The following PLPPR4 variants were observed in gnomAD, a reference collection of about 807,000 sequenced individuals.
PLPPR4 encodes the protein phospholipid phosphatase related 4, also known as phospholipid phosphatase-related protein type 4.
Under a neutral mutation model 56.6 loss-of-function variants are expected in PLPPR4, and 24 were observed. The ratio of observed to expected loss-of-function variants is 0.42; its 90% CI spans 0.31 to 0.60. The LOEUF is 0.60. PLPPR4 is among the 20% of genes least tolerant of loss of function. The probability of loss-of-function intolerance (pLI) is 0.13; values close to 1 mark genes in which losing one functional copy is unlikely to be tolerated. For synonymous variants in PLPPR4, 326 were observed against 328.1 expected, an observed-to-expected ratio of 0.99 and a Z score of 0.07; for missense variants, 654 against 885.8, an observed-to-expected ratio of 0.74 and a Z score of 3.32.
In PLPPR4 at chr1:99,277,653, T is replaced by A. The variant is rs1659224721; in HGVS notation, c.79-10312T>A. Among the ~76,000 whole-genome samples the A allele has an allele frequency of 2.6e-5, 4 of 152,170 alleles. No homozygotes were observed. The South Asian group carries it at 8.3e-4, about 32-fold the overall frequency. ...TTGCCATTCTTCTACTAAAGCTTCA[T>A]CATAAATTCAATGCATGTTCTTGCT... is the stretch of plus-strand genomic sequence containing the variant. On this transcript the variant is annotated intron_variant, in intron 1 of 6. Coordinates refer to ENST00000370185, the MANE Select transcript of PLPPR4 (RefSeq NM_014839.5).
chr1:99,281,028 G>A (rs1659310729), intron 1 of PLPPR4, among the ~76,000 whole-genome samples: 1 of 152,306 alleles, frequency 6.6e-6, no homozygotes, highest in East Asian at 1.9e-4. Context: ...AAATTATGAA[G>A]AGAATAGAGA....
intron 1 of PLPPR4, among the ~76,000 whole-genome samples, chr1:99,275,258 T>C (rs983306504): frequency 6.6e-6 from 1 of 152,144 alleles, no homozygotes; most frequent in Non-Finnish European, 1.5e-5. Flanking sequence ...AAAACTCTTC[T>C]CCTTTAAGAC....
At position 99,301,915 on chromosome 1, in the gene PLPPR4, A is replaced by C. The variant is rs757982668; in HGVS notation, c.822+18A>C. 1.9e-6 allele frequency: 3 copies of C among 1,552,950 alleles called. No homozygotes were observed. The East Asian group carries it at 6.8e-5, about 35-fold the overall frequency. ...TGTACTTGGTAAATAAGTTACTATT[A>C]TCTTATAAGCCAAAGTTTAAAATGG... On this transcript the variant is annotated intron_variant, in intron 6 of 6. Transcript: ENST00000370185.
At chr1:99,283,569 T>C (rs1659384032) in intron 1 of PLPPR4, among the ~76,000 whole-genome samples, 1 of 152,218 alleles carries the variant, frequency 6.6e-6, no homozygotes, top group Admixed American at 6.5e-5. Context: ...CAGCAGATGG[T>C]AATTATAAGA....
intron 1 of PLPPR4, among the ~76,000 whole-genome samples, chr1:99,281,376 G>A (rs1256988598): frequency 6.6e-6 from 1 of 152,072 alleles, no homozygotes; most frequent in African/African-American, 2.4e-5. Context: ...TAGATTTCTA[G>A]ACCTTAAGTA....
At chr1:99,280,884 C>T (rs1659306552) in intron 1 of PLPPR4, among the ~76,000 whole-genome samples, 1 of 151,974 alleles carries the variant, frequency 6.6e-6, no homozygotes, top group Admixed American at 6.6e-5. Flanking sequence ...CAGATCAAGG[C>T]CATATTTTAA....
At chr1:99,291,616 G>A (rs549890513) in intron 2 of PLPPR4, among the ~76,000 whole-genome samples, 7 of 152,208 alleles carry the variant, frequency 4.6e-5, no homozygotes, top group South Asian at 4.1e-4. Flanking sequence ...AAATCATGTC[G>A]TTTGCAGGGA....
chr1:99,296,413 C>G (rs1163109279), intron 2 of PLPPR4, among the ~76,000 whole-genome samples: 1 of 152,086 alleles, frequency 6.6e-6, no homozygotes, highest in Non-Finnish European at 1.5e-5. Context: ...TAGAAAGCAC[C>G]TTTCTACACT....
rs140869914 is a variant in PLPPR4, at chr1:99,271,943, T to TGTGTGTGTGTGTGTGTGA, written c.78+7273_78+7274insTGTGTGTGTGTGTGTGAG. ...GTGTGTGTGTGTGTGTGTGTGTGTGTGATGGAGATCCAATCTGTGAGCAAA... is the reference window on the plus strand; with the variant it reads ...GTGTGTGTGTGTGTGTGTGTGTGTGTGTGTGTGTGTGTGTGTGAGATGGAGATCCAATCTGTGAGCAAA... On this transcript the variant is annotated intron_variant, in intron 1 of 6. Transcript: ENST00000370185. 7.0e-4 allele frequency among the ~76,000 whole-genome samples: 89 copies of TGTGTGTGTGTGTGTGTGA among 127,036 alleles called. 1 individual carries two copies. Among genetic ancestry groups the TGTGTGTGTGTGTGTGTGA allele is most frequent in the Middle Eastern group, 4.2e-3 (1 of 240 alleles). 83.3% of individuals were successfully genotyped at this position (127,036 alleles called of 152,430 possible).
intron 1 of PLPPR4, among the ~76,000 whole-genome samples, chr1:99,271,642 G>T (rs1659061134): frequency 6.6e-6 from 1 of 152,100 alleles, no homozygotes; most frequent in Non-Finnish European, 1.5e-5. Flanking sequence ...TGTCTAGAAG[G>T]CACAGTGTCC....
chr1:99,303,908 A>C (rs1277506990), intron 6 of PLPPR4, among the ~76,000 whole-genome samples: 2 of 152,004 alleles, frequency 1.3e-5, no homozygotes. Context: ...TGGAAATGCC[A>C]CTCTCTAGTT....
rs775463859 is a variant in PLPPR4, at chr1:99,306,165, T to C, written c.1303T>C (p.Ser435Pro). The C allele has an allele frequency of 3.1e-6, 5 of 1,613,790 alleles. No homozygotes were observed. The highest frequency in any genetic ancestry group is 3.4e-6 in the Non-Finnish European group (4 of 1,179,962). Residue 435 changes from serine to proline, a missense_variant, in exon 7 of 7, where the codon TCA becomes CCA. Physicochemically the swap from Ser to Pro is moderately conservative, Grantham distance 74. This residue lies in a region of PLPPR4 where 468 missense variants were observed against 554.3 expected (regional missense o/e 0.84). Transcript: ENST00000370185. The surrounding 1 kb of genome is among the most constrained non-coding windows in gnomAD (Gnocchi z 4.0). ...PPRSIEMRSS[S>P]EPSRVGVNGD... ...CAGATCCATAGAAATGAGGTCAAGC[T>C]CAGAGCCATCGAGGGTAGGGGTGAA... is the stretch of plus-strand genomic sequence containing the variant.
chr1:99,286,927 T>G (rs926079430), intron 1 of PLPPR4, among the ~76,000 whole-genome samples: 5 of 152,192 alleles, frequency 3.3e-5, no homozygotes, highest in African/African-American at 1.2e-4. Context: ...TCTTTATTTC[T>G]TCTAAAATAA....
rs775422576 is a variant in PLPPR4, at chr1:99,306,929, C to A, written c.2067C>A (p.Ile689=). Residue 689 remains isoleucine, a synonymous_variant, in exon 7 of 7, where the codon ATC becomes ATA. Transcript: ENST00000370185. The surrounding 1 kb of genome is among the most constrained non-coding windows in gnomAD (Gnocchi z 4.0). ...GGAGAAAGGGCAATATCATTCTAAT[C>A]CCTGAAAGAAGCAACAGCCCCGAAA... ...TLRRKGNIIL[I]PERSNSPENT... 3.4e-5 allele frequency: 55 copies of A among 1,613,894 alleles called. No individual in the cohort carries two copies. Among genetic ancestry groups the A allele is most frequent in the Non-Finnish European group, 8.5e-7 (1 of 1,180,002 alleles).
rs987152964 is a variant in PLPPR4, at chr1:99,284,184, C to T, written c.79-3781C>T. 3.3e-5 allele frequency among the ~76,000 whole-genome samples: 5 copies of T among 152,040 alleles called. No individual in the cohort carries two copies. The South Asian group carries it at 1.0e-3, about 32-fold the overall frequency. On this transcript the variant is annotated intron_variant, in intron 1 of 6. Coordinates refer to ENST00000370185, the MANE Select transcript of PLPPR4 (RefSeq NM_014839.5). ...ACCGGCACATACCGTCTGTTAAATTCCTTACACTCAAAAAAAATCTGTTGT... is the reference window on the plus strand; with the variant it reads ...ACCGGCACATACCGTCTGTTAAATTTCTTACACTCAAAAAAAATCTGTTGT...
At chr1:99,302,684 T>C (rs1659915234) in intron 6 of PLPPR4, among the ~76,000 whole-genome samples, 1 of 111,416 alleles carries the variant, frequency 9.0e-6, no homozygotes, top group African/African-American at 3.6e-5. Context: ...CCCACAACAG[T>C]CTCCAGAGTG....
chr1:99,272,916 A>C (rs1659094264), intron 1 of PLPPR4, among the ~76,000 whole-genome samples: 1 of 152,210 alleles, frequency 6.6e-6, no homozygotes, highest in East Asian at 1.9e-4. Context: ...AAGTCCAAAA[A>C]CTTGCCTAAA....
At chr1:99,291,083 A>G (rs866776194) in intron 2 of PLPPR4, among the ~76,000 whole-genome samples, 1 of 151,508 alleles carries the variant, frequency 6.6e-6, no homozygotes, top group Non-Finnish European at 1.5e-5. Flanking sequence ...TAAGAAACTT[A>G]AACAAATTTA....
intron 1 of PLPPR4, among the ~76,000 whole-genome samples, chr1:99,271,009 A>G (rs1659045681): frequency 6.6e-6 from 1 of 152,170 alleles, no homozygotes; most frequent in Non-Finnish European, 1.5e-5. Context: ...TTAGGGAATT[A>G]TTTTCTATTC....
Sources: allele counts gnomAD v4.1 joint callset (sites outside exome capture counted in the v4.1 genomes callset), GRCh38; gene constraint gnomAD v4.1.1; regional missense constraint gnomAD v4.1.1; non-coding constraint Gnocchi (gnomAD v3.1); transcripts MANE v1.5; gene names NCBI Gene and HGNC (gene_info 2026-07-23, HGNC 2026-07-21).